CWC22: variants seen among roughly 807,000 people sequenced by gnomAD.
CWC22 encodes pre-mRNA-splicing factor CWC22 homolog.
CWC22 carries 53 observed loss-of-function variants against 117.2 expected under a neutral mutation model. The ratio of observed to expected loss-of-function variants is 0.45; its 90% CI spans 0.36 to 0.57. CWC22 has a LOEUF of 0.57. CWC22 is among the 20% of genes least tolerant of loss of function. CWC22 has a pLI of 0.00. For missense variants in CWC22, 980 were observed against 1,068.8 expected, an observed-to-expected ratio of 0.92 and a Z score of 1.16; for synonymous variants, 360 against 355.6, an observed-to-expected ratio of 1.01 and a Z score of -0.14.
intron 11 of CWC22, among the ~76,000 whole-genome samples, chr2:179,969,852 T>C (rs1427983583): frequency 1.3e-5 from 2 of 152,162 alleles, no homozygotes; most frequent in Non-Finnish European, 1.5e-5. Context: ...TAACTAATAA[T>C]AGCTATCATT....
intron 11 of CWC22, among the ~76,000 whole-genome samples, chr2:179,970,227 CTA>C (rs1686996145): frequency 6.6e-6 from 1 of 152,066 alleles, no homozygotes; most frequent in Non-Finnish European, 1.5e-5. Context: ...CACCACTAAT[CTA>C]TGAATATTTC....
chr2:179,974,893 T>G (rs13026362), intron 6 of CWC22, among the ~76,000 whole-genome samples: 1 of 151,948 alleles, frequency 6.6e-6, no homozygotes, highest in Non-Finnish European at 1.5e-5. Context: ...CTGGGACTAC[T>G]GTGTGCCACC....
At position 179,964,515 on chromosome 2, in the gene CWC22, A is replaced by G. The variant is rs569310433; in HGVS notation, c.1397+32T>C. 25 of 1,312,076 alleles carry G rather than the reference A, an allele frequency of 1.9e-5. 1 individual carries two copies. Among genetic ancestry groups the G allele is most frequent in the South Asian group, 1.3e-4 (10 of 75,710 alleles). The allele number at this position is 1,312,076 out of a possible 1,614,324, so 81.3% of individuals were successfully genotyped here. A position where few individuals can be genotyped will look rare whatever the true frequency, so the allele number is the denominator to read the frequency against. On this transcript the variant is annotated intron_variant, in intron 13 of 19. Coordinates refer to ENST00000410053, the MANE Select transcript of CWC22 (RefSeq NM_020943.3). Reference sequence around the variant, plus strand: ...CTTTACCCATCCCTTATCAAAAACAAAAAAAGGATGAACTGAGATATGATG... The same window carrying G: ...CTTTACCCATCCCTTATCAAAAACAGAAAAAGGATGAACTGAGATATGATG...
chr2:179,952,375 G>C, intron 17 of CWC22, 96 bp downstream of exon 17: 1 of 789,360 alleles, frequency 1.3e-6, no homozygotes, highest in Non-Finnish European at 1.8e-6. Flanking sequence ...AGGGGGCTTA[G>C]CTCTTGTTTT....
At chr2:180,003,544 A>G (rs1687896189) in intron 1 of CWC22, among the ~76,000 whole-genome samples, 1 of 152,208 alleles carries the variant, frequency 6.6e-6, no homozygotes, top group Admixed American at 6.5e-5. Flanking sequence ...TTCTGGTTTA[A>G]AGAAAACTTG....
intron 13 of CWC22, among the ~76,000 whole-genome samples, chr2:179,964,282 C>T (rs1686832468): frequency 6.6e-6 from 1 of 152,164 alleles, no homozygotes; most frequent in Non-Finnish European, 1.5e-5. Flanking sequence ...ATTAGTGGCA[C>T]TTAACTATAA....
chr2:179,972,364 A>G (rs368919757), intron 8 of CWC22, among the ~76,000 whole-genome samples: 11 of 152,326 alleles, frequency 7.2e-5, no homozygotes, highest in African/African-American at 2.6e-4. Flanking sequence ...ACCATCAAAT[A>G]ATGAATATAA....
At chr2:179,990,532 G>A (rs1210485973) in intron 2 of CWC22, among the ~76,000 whole-genome samples, 1 of 115,286 alleles carries the variant, frequency 8.7e-6, no homozygotes, top group Non-Finnish European at 1.8e-5. Flanking sequence ...ATGAGAGTGA[G>A]TGAGTGAGAC....
rs1687301874 is a variant in CWC22, at chr2:179,982,126, G to T, written c.207-129C>A. 1.9e-5 allele frequency: 12 copies of T among 620,208 alleles called. No individual in the cohort carries two copies. The East Asian group carries it at 3.0e-4, about 16-fold the overall frequency. 38.4% of individuals were successfully genotyped at this position (620,208 alleles called of 1,614,324 possible). A position where few individuals can be genotyped will look rare whatever the true frequency, so the allele number is the denominator to read the frequency against. ...CAGACTAGGAAAAGTGGTTTAGAATGGTGACAAAGTGTTTCACAGAGAAAA... is the reference window on the plus strand; with the variant it reads ...CAGACTAGGAAAAGTGGTTTAGAATTGTGACAAAGTGTTTCACAGAGAAAA... On this transcript the variant is annotated intron_variant, in intron 4 of 19. Coordinates refer to ENST00000410053, the MANE Select transcript of CWC22 (RefSeq NM_020943.3).
chr2:180,002,455 C>A (rs774670825), intron 1 of CWC22, among the ~76,000 whole-genome samples: 1 of 152,048 alleles, frequency 6.6e-6, no homozygotes, highest in African/African-American at 2.4e-5. Context: ...TAGTGAGATC[C>A]CATCTCAAAA....
chr2:179,955,532 CA>C (rs2105511572), intron 14 of CWC22, among the ~76,000 whole-genome samples: 1 of 152,002 alleles, frequency 6.6e-6, no homozygotes, highest in South Asian at 2.1e-4. Context: ...TCAACGTTAA[CA>C]TAAAGTTAAC....
intron 12 of CWC22, among the ~76,000 whole-genome samples, chr2:179,965,547 A>G (rs1458793235): frequency 6.6e-6 from 1 of 152,252 alleles, no homozygotes; most frequent in African/African-American, 2.4e-5. Context: ...ACTCAATAAG[A>G]AAACATGTTT....
intron 1 of CWC22, among the ~76,000 whole-genome samples, chr2:180,006,147 C>G (rs1687967192): frequency 6.6e-6 from 1 of 151,266 alleles, no homozygotes. Context: ...ACCAAGTTTG[C>G]TTGCTTATCT....
At position 179,945,671 on chromosome 2, in the gene CWC22, C is replaced by T. The variant is rs1686274651; in HGVS notation, c.2185G>A (p.Glu729Lys). The change falls in exon 20 of 20, where the codon GAG (glutamate) becomes AAG (lysine). Residue 729 changes from glutamate to lysine, a missense_variant. Around this residue, in one of 3 missense-constraint regions of CWC22, gnomAD observed 306 missense variants for 296.8 expected, o/e 1.03. Coordinates refer to ENST00000410053, the MANE Select transcript of CWC22 (RefSeq NM_020943.3). Reference sequence around the variant, plus strand: ...TGGTTTCTGATCAATTTATCTACCTCTTTACTTCTGGTCTTCCCATGTCCC... The same window carrying T: ...TGGTTTCTGATCAATTTATCTACCTTTTTACTTCTGGTCTTCCCATGTCCC... Reference protein sequence around the residue: ...KKGHGKTRSKEVDKLIRNQQT... With the variant: ...KKGHGKTRSKKVDKLIRNQQT... 2 of 1,608,824 alleles carry T rather than the reference C, an allele frequency of 1.2e-6. No homozygotes were observed. The highest frequency in any genetic ancestry group is 1.7e-6 in the Non-Finnish European group (2 of 1,179,058).
rs1559282184 is a variant in CWC22, at chr2:179,945,734, A to C, written c.2141-19T>G. 2.2e-6 allele frequency: 3 copies of C among 1,383,900 alleles called. No individual in the cohort carries two copies. In the South Asian group the frequency reaches 3.8e-5, roughly 18 times the overall value. The allele number at this position is 1,383,900 out of a possible 1,614,324, so 85.7% of individuals were successfully genotyped here. ...TCATTAGCTGCGTGTGTAAAATAAA[A>C]GACAGTTAGCTTTTATTTCAATCTT... On this transcript the variant is annotated intron_variant, in intron 19 of 19. Coordinates refer to ENST00000410053, the MANE Select transcript of CWC22 (RefSeq NM_020943.3).
chr2:179,951,686 G>A (rs1215223675), intron 17 of CWC22, among the ~76,000 whole-genome samples: 1 of 152,094 alleles, frequency 6.6e-6, no homozygotes, highest in African/African-American at 2.4e-5. Context: ...GCTTGCTGAA[G>A]AGAGAGAAGA....
At chr2:179,995,488 C>G (rs750587419) in intron 1 of CWC22, among the ~76,000 whole-genome samples, 6 of 152,178 alleles carry the variant, frequency 3.9e-5, no homozygotes, top group Non-Finnish European at 7.3e-5. Flanking sequence ...GAGAATTACA[C>G]TGTTTTCCTC....
intron 2 of CWC22, among the ~76,000 whole-genome samples, chr2:179,991,141 A>G (rs1337378234): frequency 6.6e-6 from 1 of 152,214 alleles, no homozygotes; most frequent in Non-Finnish European, 1.5e-5. Context: ...AGTAACTCAT[A>G]GTCTCCAACA....
rs558143113 is a variant in CWC22 at position 179,970,095 on chromosome 2, A to G, written c.1210+406T>C. Among the ~76,000 whole-genome samples the G allele has an allele frequency of 2.0e-5, 3 of 152,290 alleles. No individual in the cohort carries two copies. The East Asian group carries it at 5.8e-4, about 29-fold the overall frequency. On this transcript the variant is annotated intron_variant, in intron 11 of 19. Coordinates refer to ENST00000410053, the MANE Select transcript of CWC22 (RefSeq NM_020943.3). ...CCAATACTATGATTCATCCTACCAG[A>G]AGGATATTAACCTGACCTCAAGAAA...
Sources: allele counts gnomAD v4.1 joint callset (sites outside exome capture counted in the v4.1 genomes callset), GRCh38; gene constraint gnomAD v4.1.1; regional missense constraint gnomAD v4.1.1; transcripts MANE v1.5; gene names NCBI Gene and HGNC (gene_info 2026-07-23, HGNC 2026-07-21).